EFCAB3: variants seen among roughly 807,000 people sequenced by gnomAD.
EFCAB3 encodes the protein EF-hand calcium-binding domain-containing protein 3.
EFCAB3 carries 36 observed loss-of-function variants against 42.2 expected under a neutral mutation model. The observed-to-expected ratio is 0.85, with a 90% confidence interval of 0.65 to 1.13. The LOEUF is 1.13. Among genes scored for constraint, EFCAB3 ranks in the 50% most tolerant of loss-of-function variants. The pLI, the probability that EFCAB3 is intolerant of heterozygous loss-of-function variation, is 0.00. For missense variants in EFCAB3, 418 were observed against 505.1 expected, an observed-to-expected ratio of 0.83 and a Z score of 1.65; for synonymous variants, 170 against 172.8, an observed-to-expected ratio of 0.98 and a Z score of 0.13.
At chr17:62,378,471 G>A (rs1415199725), upstream of EFCAB3, among the ~76,000 whole-genome samples, 4 of 152,124 alleles carry the variant, frequency 2.6e-5, no homozygotes, top group African/African-American at 7.2e-5. Context: ...GCGGAGGCAG[G>A]AAGATCACTT....
chr17:62,395,328 C>T, intron 6 of EFCAB3, 140 bp downstream of exon 6: 1 of 1,077,718 alleles, frequency 9.3e-7, no homozygotes, highest in Non-Finnish European at 1.3e-6. Flanking sequence ...GGGCAAATGC[C>T]CTTGTGCTAC....
At chr17:62,415,727 C>T (rs1299423307) in intron 9 of EFCAB3, among the ~76,000 whole-genome samples, 1 of 152,176 alleles carries the variant, frequency 6.6e-6, no homozygotes, top group East Asian at 1.9e-4. Context: ...CCTGTTATAT[C>T]CCTAGCCTAT....
At chr17:62,381,902 C>A in intron 1 of EFCAB3, 1 of 368,262 alleles carries the variant, frequency 2.7e-6, no homozygotes. Context: ...CTGCCCCAGG[C>A]TGTGCAGCTC....
chr17:62,393,465 G>A, intron 4 of EFCAB3, 108 bp from the exon 5 acceptor site: 1 of 893,502 alleles, frequency 1.1e-6, no homozygotes, highest in Non-Finnish European at 1.7e-6. Context: ...CAAATGCTCT[G>A]TTTTTAATAT....
At chr17:62,403,997 C>G (rs906125647) in intron 6 of EFCAB3, among the ~76,000 whole-genome samples, 1 of 152,142 alleles carries the variant, frequency 6.6e-6, no homozygotes. Context: ...ACATTTAACT[C>G]GGGTCCTCAA....
Position 62,407,960 on chromosome 17 carries a change from G to A in EFCAB3, c.867+748G>A, listed in dbSNP as rs2070462756. ...CACATAGAGTTTAAGAGGCCCAGAG[G>A]GGTATCACTGTCACAAATGACCTCA... On this transcript the variant is annotated intron_variant, in intron 8 of 9. Transcript: ENST00000305286. 2.0e-5 allele frequency among the ~76,000 whole-genome samples: 3 copies of A among 152,130 alleles called. No individual in the cohort carries two copies. The South Asian group carries it at 6.2e-4, about 32-fold the overall frequency.
chr17:62,376,005 T>G (rs2070147393), upstream of EFCAB3, among the ~76,000 whole-genome samples: 1 of 152,210 alleles, frequency 6.6e-6, no homozygotes, highest in Non-Finnish European at 1.5e-5. Context: ...ACATGTTTTC[T>G]TCACTTCATA....
At chr17:62,377,420 T>C (rs961280044), upstream of EFCAB3, among the ~76,000 whole-genome samples, 3 of 152,090 alleles carry the variant, frequency 2.0e-5, no homozygotes, top group Admixed American at 1.3e-4. Flanking sequence ...AAAACAAAAC[T>C]ACTCCCACAT....
At position 62,396,568 on chromosome 17, in the gene EFCAB3, G is replaced by GA. The variant is rs940158950; in HGVS notation, c.488+1390dup. On this transcript the variant is annotated intron_variant, in intron 6 of 9. Coordinates refer to ENST00000305286, the MANE Select transcript of EFCAB3 (RefSeq NM_173503.4). ...GACTTCATCTCAAAAAAATAAAAAA[G>GA]AAAAAAAAAAGAAAATTGAAGCTTC... Among the ~76,000 whole-genome samples the GA allele has an allele frequency of 4.2e-3, 579 of 138,596 alleles. 2 individuals are homozygous for GA. Among genetic ancestry groups the GA allele is most frequent in the African/African-American group, 0.013 (497 of 37,604 alleles). 90.9% of individuals were successfully genotyped at this position (138,596 alleles called of 152,430 possible).
intron 2 of EFCAB3, 61 bp downstream of exon 2, chr17:62,383,114 G>T: frequency 6.9e-7 from 1 of 1,457,790 alleles, no homozygotes; most frequent in East Asian, 2.4e-5. Flanking sequence ...TAGTGTTACA[G>T]CTCTTTTAGA....
chr17:62,383,077 G>A, intron 2 of EFCAB3, 24 bp downstream of exon 2: 1 of 1,567,852 alleles, frequency 6.4e-7, no homozygotes, highest in Non-Finnish European at 8.7e-7. Flanking sequence ...GATTAAGGGT[G>A]ATAAATGTAT....
chr17:62,389,645 C>T (rs1467599397), intron 3 of EFCAB3, among the ~76,000 whole-genome samples: 1 of 152,130 alleles, frequency 6.6e-6, no homozygotes, highest in Non-Finnish European at 1.5e-5. Flanking sequence ...AGACCCTCAC[C>T]TCCATGTCTA....
intron 6 of EFCAB3, chr17:62,397,737 A>G: frequency 2.1e-6 from 1 of 470,890 alleles, no homozygotes. Flanking sequence ...TAAAAAGGTC[A>G]TGCTGGGCCG....
At chr17:62,400,917 C>T (rs2070396481) in intron 6 of EFCAB3, among the ~76,000 whole-genome samples, 2 of 152,048 alleles carry the variant, frequency 1.3e-5, no homozygotes, top group Non-Finnish European at 2.9e-5. Context: ...TCTCCAGCAC[C>T]TGTTGTTTTT....
At position 62,413,755 on chromosome 17, in the gene EFCAB3, C is replaced by A. The variant is rs1307671260; in HGVS notation, c.891C>A (p.Asp297Glu). 1.2e-6 allele frequency: 2 copies of A among 1,612,562 alleles called. No homozygotes were observed. Among genetic ancestry groups the A allele is most frequent in the Non-Finnish European group, 8.5e-7 (1 of 1,179,168 alleles). The change falls in exon 9 of 10, where the codon GAC becomes GAA. Residue 297 changes from aspartate (D) to glutamate (E), a missense_variant. By Grantham distance (45) the Asp-to-Glu change is conservative. Transcript: ENST00000305286. ...AGGCAGCAAATATAAAGTCTATGGA[C>A]CCTGCCTCAGGTTATTCAAATAACA... Reference protein sequence around the residue: ...KTQAANIKSMDPASGYSNNIF... With the variant: ...KTQAANIKSMEPASGYSNNIF...
At chr17:62,387,099 A>G (rs1157806328) in intron 2 of EFCAB3, among the ~76,000 whole-genome samples, 1 of 152,060 alleles carries the variant, frequency 6.6e-6, no homozygotes, top group Non-Finnish European at 1.5e-5. Flanking sequence ...GCCTGAAATT[A>G]TAATTTTTTA....
At chr17:62,393,396 T>C (rs992441630) in intron 4 of EFCAB3, among the ~76,000 whole-genome samples, 177 bp from the exon 5 acceptor site, 6 of 152,202 alleles carry the variant, frequency 3.9e-5, no homozygotes, top group Admixed American at 3.9e-4. Flanking sequence ...AGGACTGATG[T>C]AATGGTGCTA....
intron 6 of EFCAB3, among the ~76,000 whole-genome samples, chr17:62,396,628 C>A (rs1307510106): frequency 6.6e-6 from 1 of 151,464 alleles, no homozygotes; most frequent in Non-Finnish European, 1.5e-5. Flanking sequence ...CACCATGGAT[C>A]GCACCTGTAA....
upstream of EFCAB3, among the ~76,000 whole-genome samples, chr17:62,378,763 T>G (rs2070170297): frequency 6.8e-5 from 4 of 58,592 alleles, no homozygotes; most frequent in Non-Finnish European, 1.2e-4. Flanking sequence ...CCAGGGCCTG[T>G]TGGGGGGTAG....
Sources: gnomAD v4.1 joint callset for allele counts (sites outside exome capture counted in the v4.1 genomes callset) on GRCh38, gnomAD v4.1.1 for gene constraint, MANE v1.5 for transcripts, NCBI Gene and HGNC (gene_info 2026-07-23, HGNC 2026-07-21) for gene names.